The following GRB10 variants were observed in gnomAD, a reference collection of about 807,000 sequenced individuals.
The protein encoded by GRB10 is growth factor receptor bound protein 10.
In GRB10, 20 loss-of-function variants were observed where a neutral mutation model predicts 80.9. The observed-to-expected ratio is 0.25, with a 90% CI of 0.17 to 0.36. GRB10 has a LOEUF of 0.36. GRB10 is among the 10% of genes least tolerant of loss of function. The probability of loss-of-function intolerance (pLI) is 1.00; values close to 1 mark genes in which losing one functional copy is unlikely to be tolerated. For missense variants in GRB10, 548 were observed against 747.7 expected (o/e 0.73, Z 3.12); for synonymous variants, 291 against 291.5 (o/e 1.00, Z 0.02).
At chr7:50,718,894 G>A (rs1005430781) in intron 4 of GRB10, among the ~76,000 whole-genome samples, 2 of 152,086 alleles carry the variant, frequency 1.3e-5, no homozygotes, top group African/African-American at 4.8e-5. Flanking sequence ...CACAGTCATG[G>A]ATAACCAATC....
chr7:50,700,669 C>G (rs888658202), intron 5 of GRB10, among the ~76,000 whole-genome samples: 13 of 152,302 alleles, frequency 8.5e-5, no homozygotes, highest in African/African-American at 2.9e-4. Context: ...CACTTTCATT[C>G]AGTTCTAAAT....
rs2059891903 is a variant in GRB10, at chr7:50,667,043, A to AC, written c.504+2678_504+2679insG. ...GGGCGACAGAGCGAGACTCTGTCTCAAAAAAAAAAAAAAAAAAAGGAGAGA... is the reference window on the plus strand; with the variant it reads ...GGGCGACAGAGCGAGACTCTGTCTCACAAAAAAAAAAAAAAAAAAGGAGAGA... On this transcript the variant is annotated intron_variant, in intron 7 of 18. Transcript: ENST00000401949. Among the ~76,000 whole-genome samples the AC allele has an allele frequency of 5.9e-4, 3 of 5,062 alleles. No individual in the cohort carries two copies. In the Admixed American group the frequency reaches 0.013, roughly 22 times the overall value. The allele number at this position is 5,062 out of a possible 152,430, so 3.3% of individuals were successfully genotyped here.
At chr7:50,761,317 C>G (rs937477656) in intron 2 of GRB10, among the ~76,000 whole-genome samples, 1 of 152,198 alleles carries the variant, frequency 6.6e-6, no homozygotes. Context: ...CATTTTGATT[C>G]TTTCAATCAC....
At chr7:50,625,521 A>T (rs1235955199) in intron 8 of GRB10, among the ~76,000 whole-genome samples, 6 of 152,160 alleles carry the variant, frequency 3.9e-5, no homozygotes, top group Non-Finnish European at 8.8e-5. Flanking sequence ...CCACTGTAGG[A>T]TCCACTCATG....
chr7:50,740,051 T>A (rs1233272011), intron 3 of GRB10, among the ~76,000 whole-genome samples: 1 of 152,210 alleles, frequency 6.6e-6, no homozygotes, highest in Non-Finnish European at 1.5e-5. Context: ...ACATGAATCC[T>A]TTCTTTTGTT....
At chr7:50,600,986 T>C (rs2047496086) in intron 17 of GRB10, among the ~76,000 whole-genome samples, 2 of 152,310 alleles carry the variant, frequency 1.3e-5, no homozygotes, top group South Asian at 4.1e-4. Context: ...ATGGTGAACA[T>C]CCCTCAGTAG....
intron 7 of GRB10, among the ~76,000 whole-genome samples, chr7:50,635,561 C>CAAAATAAA (rs1554504119): frequency 1.3e-5 from 2 of 151,136 alleles, no homozygotes; most frequent in South Asian, 4.2e-4. Context: ...AAAAACAAAA[C>CAAAATAAA]AAAACAAAAA....
At chr7:50,721,617 G>C (rs572664863) in intron 4 of GRB10, among the ~76,000 whole-genome samples, 1 of 152,142 alleles carries the variant, frequency 6.6e-6, no homozygotes, top group African/African-American at 2.4e-5. Context: ...TCTGCCCCTC[G>C]TAGGGCTCTG....
intron 3 of GRB10, among the ~76,000 whole-genome samples, chr7:50,746,498 C>G (rs116709439): frequency 2.6e-5 from 4 of 152,058 alleles, no homozygotes; most frequent in African/African-American, 9.7e-5. Flanking sequence ...AAGGGAGGAG[C>G]GGGCACCCTC....
intron 13 of GRB10, 110 bp downstream of exon 13, chr7:50,612,631 G>A (rs1159316665): frequency 2.7e-6 from 2 of 740,610 alleles, no homozygotes; most frequent in Non-Finnish European, 4.9e-6. Context: ...TATTGTGACA[G>A]AACAGCGGAA....
intron 2 of GRB10, among the ~76,000 whole-genome samples, chr7:50,767,654 G>A (rs959052551): frequency 3.3e-5 from 5 of 152,110 alleles, no homozygotes; most frequent in African/African-American, 1.2e-4. Flanking sequence ...GCCAGCAGGG[G>A]GTACATTTCA....
At chr7:50,710,845 C>A (rs761353465) in intron 4 of GRB10, 26 of 1,610,886 alleles carry the variant, frequency 1.6e-5, no homozygotes, top group Non-Finnish European at 2.1e-5. Flanking sequence ...ACTAAAGGTA[C>A]TGAGTGTTCG....
chr7:50,669,985 C>A, intron 6 of GRB10, 122 bp from the exon 7 acceptor site: 5 of 1,222,024 alleles, frequency 4.1e-6, no homozygotes, highest in Non-Finnish European at 5.8e-6. Flanking sequence ...GGCATGCCCA[C>A]GTTCACAGTG....
chr7:50,674,687 G>T, intron 5 of GRB10, 29 bp from the exon 6 acceptor site: 1 of 1,597,134 alleles, frequency 6.3e-7, no homozygotes, highest in Non-Finnish European at 8.6e-7. Flanking sequence ...GAGCAAAAAA[G>T]AAACTTTAAC....
chr7:50,652,289 T>C (rs2058086313), intron 7 of GRB10, among the ~76,000 whole-genome samples: 1 of 152,176 alleles, frequency 6.6e-6, no homozygotes, highest in Non-Finnish European at 1.5e-5. Flanking sequence ...TGAGACCTGG[T>C]GGGCTGGGCA....
intron 3 of GRB10, among the ~76,000 whole-genome samples, chr7:50,737,875 A>C (rs1259002782): frequency 1.3e-5 from 2 of 151,980 alleles, no homozygotes; most frequent in Non-Finnish European, 2.9e-5. Flanking sequence ...ACAAAGAAAC[A>C]AAAAAAACAG....
chr7:50,720,004 C>G (rs936656362), intron 4 of GRB10, among the ~76,000 whole-genome samples: 1 of 152,138 alleles, frequency 6.6e-6, no homozygotes, highest in Non-Finnish European at 1.5e-5. Flanking sequence ...AAATCCTTCA[C>G]AGAACTTGAA....
chr7:50,690,965 A>T lies in GRB10; in HGVS notation c.139+12856T>A, dbSNP rs2062746936. 1.3e-5 allele frequency among the ~76,000 whole-genome samples: 2 copies of T among 152,172 alleles called. 1 individual carries two copies. Among genetic ancestry groups the T allele is most frequent in the Admixed American group, 1.3e-4 (2 of 15,282 alleles). On this transcript the variant is annotated intron_variant, in intron 5 of 18. Transcript: ENST00000401949. ...TGGCTTTTTCAGTTCTGCTCCAAAT[A>T]AGGACCAGGAGGGAGAGGTCTGCTG...
At chr7:50,729,728 C>T (rs568573875) in intron 4 of GRB10, among the ~76,000 whole-genome samples, 1 of 142,880 alleles carries the variant, frequency 7.0e-6, no homozygotes, top group Non-Finnish European at 1.5e-5. Context: ...CGGAGCCCCC[C>T]CCGAAGACCA....
Sources: gnomAD v4.1 joint callset for allele counts (sites outside exome capture counted in the v4.1 genomes callset) on GRCh38, gnomAD v4.1.1 for gene constraint, MANE v1.5 for transcripts, NCBI Gene and HGNC (gene_info 2026-07-23, HGNC 2026-07-21) for gene names.